Variants in DOCK9 observed in about 807,000 individuals in gnomAD.
DOCK9 encodes dedicator of cytokinesis 9, also known as dedicator of cytokinesis protein 9.
DOCK9 carries 89 observed loss-of-function variants against 263.3 expected under a neutral mutation model. The ratio of observed to expected loss-of-function variants is 0.34; its 90% CI spans 0.28 to 0.40. The LOEUF (loss-of-function observed/expected upper bound fraction) is 0.40, where lower values mean the gene tolerates loss of function less well. Ranked by LOEUF, DOCK9 falls within the 10% of genes least tolerant of loss-of-function variation. The pLI is 1.00. For missense variants in DOCK9, 2,140 were observed against 2,603.4 expected, an observed-to-expected ratio of 0.82 and a Z score of 3.87; for synonymous variants, 976 against 973.1, an observed-to-expected ratio of 1.00 and a Z score of -0.06.
At chr13:99,083,692 G>A (rs1211232520) in intron 1 of DOCK9, among the ~76,000 whole-genome samples, 1 of 152,124 alleles carries the variant, frequency 6.6e-6, no homozygotes, top group African/African-American at 2.4e-5. Flanking sequence ...CCATGAACCT[G>A]AACACATGAA....
chr13:98,818,564 T>C (rs1403205517), intron 45 of DOCK9, among the ~76,000 whole-genome samples: 2 of 152,222 alleles, frequency 1.3e-5, no homozygotes, highest in South Asian at 2.1e-4. Flanking sequence ...ATTGTTGACA[T>C]ATGCAAAGAA....
intron 1 of DOCK9, among the ~76,000 whole-genome samples, chr13:99,059,237 G>C (rs2041071799): frequency 6.6e-6 from 1 of 152,140 alleles, no homozygotes; most frequent in Non-Finnish European, 1.5e-5. Flanking sequence ...TGAGATGCTG[G>C]GTTCCTGAGC....
chr13:98,990,533 C>A (rs1385190232), intron 1 of DOCK9, among the ~76,000 whole-genome samples: 1 of 152,200 alleles, frequency 6.6e-6, no homozygotes, highest in Non-Finnish European at 1.5e-5. Context: ...GCTTATAGCT[C>A]TTCATTAATT....
intron 33 of DOCK9, chr13:98,858,043 G>T (rs1302638690): frequency 6.6e-6 from 1 of 152,032 alleles, no homozygotes; most frequent in African/African-American, 2.4e-5. Context: ...TAGGCCCTAA[G>T]TTCTCAGAGT....
chr13:99,060,062 CTTTTTTTTTTTTTTTT>C (rs71114576), intron 1 of DOCK9, among the ~76,000 whole-genome samples: 4 of 61,462 alleles, frequency 6.5e-5, no homozygotes, highest in Non-Finnish European at 8.3e-5. Flanking sequence ...ATTGTTTCTA[CTTTTTTTTTTTTTTTT>C]TTTTTTTTTT....
chr13:98,804,033 G>A (rs964038605), intron 49 of DOCK9, among the ~76,000 whole-genome samples: 15 of 151,508 alleles, frequency 9.9e-5, no homozygotes, highest in African/African-American at 3.4e-4. Flanking sequence ...GGTGAGAGCT[G>A]ATAAGCACCT....
intron 1 of DOCK9, among the ~76,000 whole-genome samples, chr13:98,969,463 GA>G (rs56102330): frequency 6.7e-5 from 10 of 148,934 alleles, no homozygotes; most frequent in Non-Finnish European, 1.0e-4. Context: ...GCGGGAGAAA[GA>G]AAAAAAAAAG....
intron 2 of DOCK9, among the ~76,000 whole-genome samples, chr13:98,936,763 A>G (rs868520462): frequency 1.3e-5 from 2 of 152,226 alleles, no homozygotes; most frequent in South Asian, 2.1e-4. Flanking sequence ...GGTCCATTAT[A>G]GGAACTGACA....
Position 98,894,485 on chromosome 13 carries a change from A to C in DOCK9, c.1709+3003T>G, listed in dbSNP as rs184921103. Among the ~76,000 whole-genome samples the C allele has an allele frequency of 2.8e-4, 43 of 152,238 alleles. 1 individual carries two copies. Among genetic ancestry groups the C allele is most frequent in the African/African-American group, 1.0e-3 (43 of 41,536 alleles). Reference sequence around the variant, plus strand: ...ACAAAAGAAATATATATTTTCTTTCAAAAAATATAGTAATACAGATATATT... The same window carrying C: ...ACAAAAGAAATATATATTTTCTTTCCAAAAATATAGTAATACAGATATATT... On this transcript the variant is annotated intron_variant, in intron 15 of 52. Coordinates refer to ENST00000682017, the MANE Select transcript of DOCK9 (RefSeq NM_001366683.2).
chr13:98,879,994 A>G, intron 26 of DOCK9, 25 bp from the exon 27 acceptor site: 2 of 1,564,762 alleles, frequency 1.3e-6, no homozygotes, highest in Non-Finnish European at 1.7e-6. Context: ...AACAGGACCC[A>G]GTAAGAACAC....
chr13:98,837,464 T>C (rs761550592), intron 39 of DOCK9, 30 bp downstream of exon 39: 6 of 1,511,108 alleles, frequency 4.0e-6, no homozygotes, highest in Non-Finnish European at 2.8e-6. Flanking sequence ...AAGGTAAAAC[T>C]AGAACCACGA....
Position 98,837,530 on chromosome 13 carries a change from A to G in DOCK9, c.4278T>C (p.Ala1426=). ...ATGTAAATAGAGAAAGCGTGTCCAGAGCTGTCAGGCAAACCTCAGTAGCAA... is the reference window on the plus strand; with the variant it reads ...ATGTAAATAGAGAAAGCGTGTCCAGGGCTGTCAGGCAAACCTCAGTAGCAA... ...ANIATEVCLT[A]LDTLSLFTLA... is the part of the protein sequence containing the mutation. The change falls in exon 39 of 53, where the codon GCT becomes GCC. Residue 1426 remains alanine, a synonymous_variant. Transcript: ENST00000682017. 6.2e-7 allele frequency: 1 copy of G among 1,613,610 alleles called. No homozygotes were observed. Among genetic ancestry groups the G allele is most frequent in the South Asian group, 1.1e-5 (1 of 91,060 alleles).
At chr13:98,860,652 G>C (rs2093837264) in intron 32 of DOCK9, 130 bp from the exon 33 acceptor site, 1 of 827,622 alleles carries the variant, frequency 1.2e-6, no homozygotes. Flanking sequence ...CTGCATGGGA[G>C]GAGTAGCCTT....
intron 1 of DOCK9, among the ~76,000 whole-genome samples, chr13:99,009,300 G>C (rs896963960): frequency 6.6e-6 from 1 of 152,130 alleles, no homozygotes; most frequent in African/African-American, 2.4e-5. Flanking sequence ...ACTGTTCCTT[G>C]AAAACATCAG....
chr13:98,880,767 C>G (rs2142658961), intron 25 of DOCK9, 95 bp from the exon 26 acceptor site: 1 of 1,462,670 alleles, frequency 6.8e-7, no homozygotes, highest in South Asian at 1.3e-5. Context: ...AGGGACTGAG[C>G]TACAATATCA....
chr13:98,997,340 G>C (rs1325874972), intron 1 of DOCK9, among the ~76,000 whole-genome samples: 3 of 152,174 alleles, frequency 2.0e-5, no homozygotes, highest in African/African-American at 7.2e-5. Context: ...AGAAAACTTG[G>C]AGTAAAAAAG....
At chr13:99,047,834 G>A (rs1482614255) in intron 1 of DOCK9, among the ~76,000 whole-genome samples, 1 of 152,042 alleles carries the variant, frequency 6.6e-6, no homozygotes, top group Non-Finnish European at 1.5e-5. Flanking sequence ...TAATCTTGAA[G>A]CATCAGCCTC....
rs371853222 is a variant in DOCK9 at position 98,826,004 on chromosome 13, T to C, written c.5023+826A>G. On this transcript the variant is annotated intron_variant, in intron 44 of 52. Coordinates refer to ENST00000682017, the MANE Select transcript of DOCK9 (RefSeq NM_001366683.2). ...AACAGGAAATAGTACCGGTATTAAA[T>C]GAACATGGAGCCCTTTCAAAATTTT... is the stretch of plus-strand genomic sequence containing the variant. The C allele has an allele frequency of 1.9e-3, 2,504 of 1,337,132 alleles. 7 individuals are homozygous for C. The highest frequency in any genetic ancestry group is 2.2e-3 in the Non-Finnish European group (2,224 of 1,018,048). 82.8% of individuals were successfully genotyped at this position (1,337,132 alleles called of 1,614,324 possible).
At chr13:98,797,562 G>T in intron 50 of DOCK9, 73 bp from the exon 51 acceptor site, 1 of 1,381,086 alleles carries the variant, frequency 7.2e-7, no homozygotes, top group Non-Finnish European at 1.0e-6. Context: ...GTTTCAGTTT[G>T]CAGGCACTAA....
Sources: allele counts gnomAD v4.1 joint callset (sites outside exome capture counted in the v4.1 genomes callset), GRCh38; gene constraint gnomAD v4.1.1; transcripts MANE v1.5; gene names NCBI Gene and HGNC (gene_info 2026-07-23, HGNC 2026-07-21).